MLF1: variants seen among roughly 807,000 people sequenced by gnomAD.
MLF1 encodes the protein myeloid leukemia factor 1.
Under a neutral mutation model 38.3 loss-of-function variants are expected in MLF1, and 37 were observed. The ratio of observed to expected loss-of-function variants is 0.96; its 90% CI spans 0.74 to 1.27. The LOEUF (loss-of-function observed/expected upper bound fraction) is 1.27, where lower values mean the gene tolerates loss of function less well. Among genes scored for constraint, MLF1 ranks in the 50% most tolerant of loss-of-function variants. The pLI is 0.00. For missense variants in MLF1, 331 were observed against 349.2 expected (o/e 0.95, Z 0.42); for synonymous variants, 95 against 106.5 (o/e 0.89, Z 0.66).
At chr3:158,588,571 A>G (rs923967074) in intron 1 of MLF1, among the ~76,000 whole-genome samples, 15 of 145,030 alleles carry the variant, frequency 1.0e-4, no homozygotes, top group Non-Finnish European at 1.8e-4. Flanking sequence ...ACTGCACTCC[A>G]GCCTGGGCAA....
Position 158,594,546 on chromosome 3 carries a change from T to A in MLF1, c.240+1120T>A, listed in dbSNP as rs141955833. Among the ~76,000 whole-genome samples the A allele has an allele frequency of 2.1e-3, 320 of 152,342 alleles. 1 individual carries two copies. In the Middle Eastern group the frequency reaches 0.037, roughly 18 times the overall value. Reference sequence around the variant, plus strand: ...ACGTCAAAGTGGTAATAGAGTCATATTCTTGAAATATTAGAAGAGACCATA... The same window carrying A: ...ACGTCAAAGTGGTAATAGAGTCATAATCTTGAAATATTAGAAGAGACCATA... On this transcript the variant is annotated intron_variant, in intron 3 of 7. Coordinates refer to ENST00000466246, the MANE Select transcript of MLF1 (RefSeq NM_001369783.1).
At chr3:158,592,095 G>A (rs1718239758) in intron 1 of MLF1, among the ~76,000 whole-genome samples, 1 of 152,154 alleles carries the variant, frequency 6.6e-6, no homozygotes, top group Non-Finnish European at 1.5e-5. Flanking sequence ...ATTATAAAGT[G>A]TTGAATGTCT....
At chr3:158,576,580 G>C (rs1053814919) in intron 1 of MLF1, among the ~76,000 whole-genome samples, 2 of 151,976 alleles carry the variant, frequency 1.3e-5, no homozygotes, top group African/African-American at 4.8e-5. Context: ...TTCTGATCGA[G>C]CAAGTCTACA....
At chr3:158,602,692 G>C in intron 6 of MLF1, 115 bp from the exon 7 acceptor site, 1 of 938,574 alleles carries the variant, frequency 1.1e-6, no homozygotes, top group Non-Finnish European at 1.5e-6. Flanking sequence ...TCCTGCCTCT[G>C]TATTGAGGTT....
chr3:158,592,347 C>A, intron 1 of MLF1, 87 bp from the exon 2 acceptor site: 2 of 1,177,732 alleles, frequency 1.7e-6, no homozygotes, highest in South Asian at 2.0e-5. Context: ...CATATTAGCC[C>A]AAAATAATTA....
chr3:158,589,133 A>G (rs966395351), intron 1 of MLF1, among the ~76,000 whole-genome samples: 6 of 152,206 alleles, frequency 3.9e-5, no homozygotes, highest in Non-Finnish European at 7.4e-5. Context: ...AAGAAATGGT[A>G]GGGGGACCAT....
At chr3:158,579,269 C>CTG (rs1313870767) in intron 1 of MLF1, among the ~76,000 whole-genome samples, 2 of 148,964 alleles carry the variant, frequency 1.3e-5, no homozygotes, top group African/African-American at 4.9e-5. Context: ...ATTAAAACAA[C>CTG]TGTGTGCTAC....
intron 1 of MLF1, among the ~76,000 whole-genome samples, chr3:158,580,811 A>G (rs1296810057): frequency 1.4e-5 from 2 of 144,270 alleles, no homozygotes; most frequent in Admixed American, 1.4e-4. Flanking sequence ...AAAATTATCC[A>G]GGCATGGTAG....
At chr3:158,584,450 T>A (rs960514273) in intron 1 of MLF1, among the ~76,000 whole-genome samples, 2 of 152,012 alleles carry the variant, frequency 1.3e-5, no homozygotes, top group Non-Finnish European at 2.9e-5. Flanking sequence ...CAACATAATA[T>A]CCACAATGTA....
intron 5 of MLF1, 50 bp downstream of exon 5, chr3:158,598,258 A>T (rs185888368): frequency 6.4e-7 from 1 of 1,565,184 alleles, no homozygotes; most frequent in Non-Finnish European, 8.7e-7. Context: ...AGGGGATGAT[A>T]GACTGTCTAG....
intron 1 of MLF1, among the ~76,000 whole-genome samples, chr3:158,575,509 A>G (rs1325525433): frequency 1.3e-5 from 2 of 152,180 alleles, no homozygotes; most frequent in African/African-American, 4.8e-5. Flanking sequence ...TCAACCCCCA[A>G]ACAAAATGAG....
In MLF1 at chr3:158,606,299, T is replaced by C. The variant is rs1720479609; in HGVS notation, c.*1097T>C. On this transcript the variant is annotated 3_prime_UTR_variant, in exon 8 of 8. Coordinates refer to ENST00000466246, the MANE Select transcript of MLF1 (RefSeq NM_001369783.1). Reference sequence around the variant, plus strand: ...AAGGAAAAAAGCCCCCAAAAATTGCTATCACTCTATAATCCTAAGTATTTT... The same window carrying C: ...AAGGAAAAAAGCCCCCAAAAATTGCCATCACTCTATAATCCTAAGTATTTT... 5.8e-6 allele frequency: 1 copy of C among 173,474 alleles called. No homozygotes were observed. The highest frequency in any genetic ancestry group is 1.2e-5 in the Non-Finnish European group (1 of 80,074). The allele number at this position is 173,474 out of a possible 1,614,324, so 10.7% of individuals were successfully genotyped here.
chr3:158,595,692 A>T (rs1029218717), intron 3 of MLF1, among the ~76,000 whole-genome samples: 5 of 152,134 alleles, frequency 3.3e-5, no homozygotes, highest in African/African-American at 1.2e-4. Flanking sequence ...GTTGTTCCCT[A>T]CAATATTAAG....
At chr3:158,602,706 C>T (rs1040200366) in intron 6 of MLF1, 101 bp from the exon 7 acceptor site, 1 of 1,155,306 alleles carries the variant, frequency 8.7e-7, no homozygotes, top group African/African-American at 1.6e-5. Flanking sequence ...TGAGGTTACA[C>T]TAATGAAAAC....
At chr3:158,597,298 T>C (rs1321773715) in intron 4 of MLF1, among the ~76,000 whole-genome samples, 1 of 152,120 alleles carries the variant, frequency 6.6e-6, no homozygotes, top group East Asian at 1.9e-4. Flanking sequence ...ATTGATTCTA[T>C]TGAAAGTCAC....
intron 1 of MLF1, among the ~76,000 whole-genome samples, chr3:158,585,404 A>G (rs914354379): frequency 2.6e-5 from 4 of 152,146 alleles, no homozygotes; most frequent in African/African-American, 7.2e-5. Flanking sequence ...TCATCAGAAG[A>G]TGATGCTGGC....
At chr3:158,602,722 A>G (rs1040545668) in intron 6 of MLF1, 85 bp from the exon 7 acceptor site, 2 of 1,376,018 alleles carry the variant, frequency 1.5e-6, no homozygotes, top group African/African-American at 1.4e-5. Flanking sequence ...AAAACACCAG[A>G]CTAGACTGAA....
At chr3:158,582,620 G>A in intron 1 of MLF1, 1 of 349,548 alleles carries the variant, frequency 2.9e-6, no homozygotes, top group Non-Finnish European at 5.1e-6. Flanking sequence ...ACCTGTAGAA[G>A]AGCAAAGAAA....
chr3:158,598,926 T>G (rs1439932400), intron 5 of MLF1, among the ~76,000 whole-genome samples: 2 of 152,206 alleles, frequency 1.3e-5, no homozygotes, highest in Non-Finnish European at 2.9e-5. Flanking sequence ...GGTATCATAT[T>G]GCATATGTCC....
Sources: allele counts gnomAD v4.1 joint callset (sites outside exome capture counted in the v4.1 genomes callset), GRCh38; gene constraint gnomAD v4.1.1; transcripts MANE v1.5; gene names NCBI Gene and HGNC (gene_info 2026-07-23, HGNC 2026-07-21).